The following DOCK7 variants were observed in gnomAD, a reference collection of about 807,000 sequenced individuals.
DOCK7 encodes the protein dedicator of cytokinesis protein 7.
Under a neutral mutation model 271.0 loss-of-function variants are expected in DOCK7, and 138 were observed. The observed-to-expected ratio is 0.51, with a 90% CI of 0.44 to 0.59. The LOEUF is 0.59. Among genes scored for constraint, DOCK7 ranks in the 20% least tolerant of loss-of-function variants. The probability of loss-of-function intolerance (pLI) is 0.00; values close to 1 mark genes in which losing one functional copy is unlikely to be tolerated. For synonymous variants in DOCK7, 823 were observed against 876.1 expected, an observed-to-expected ratio of 0.94 and a Z score of 1.07; for missense variants, 2,066 against 2,592.4, an observed-to-expected ratio of 0.80 and a Z score of 4.41.
intron 16 of DOCK7, among the ~76,000 whole-genome samples, chr1:62,581,818 A>G (rs115925205): frequency 3.7e-4 from 56 of 152,302 alleles, no homozygotes; most frequent in Non-Finnish European, 6.3e-4. Context: ...AAGACAAGAA[A>G]GAAGAAAGTT....
At chr1:62,489,100 T>C in intron 41 of DOCK7, 35 bp from the exon 42 acceptor site, 1 of 1,520,980 alleles carries the variant, frequency 6.6e-7, no homozygotes. Flanking sequence ...TGTTGCTTTC[T>C]TTTACATCAA....
At chr1:62,669,898 C>G (rs538340401) in intron 1 of DOCK7, among the ~76,000 whole-genome samples, 71 of 152,368 alleles carry the variant, frequency 4.7e-4, no homozygotes, top group South Asian at 4.6e-3. Context: ...GGGAGAGACA[C>G]GAGCGGGAAC....
chr1:62,477,375 T>G (rs950408762), intron 44 of DOCK7, among the ~76,000 whole-genome samples: 1 of 152,234 alleles, frequency 6.6e-6, no homozygotes, highest in Non-Finnish European at 1.5e-5. Flanking sequence ...AATTATTAGC[T>G]ACTACTTAAT....
intron 37 of DOCK7, among the ~76,000 whole-genome samples, chr1:62,504,237 TAAC>T (rs1646876478): frequency 6.6e-6 from 1 of 152,022 alleles, no homozygotes; most frequent in Non-Finnish European, 1.5e-5. Context: ...AGGAAAAATA[TAAC>T]ACATGAATAT....
intron 7 of DOCK7, among the ~76,000 whole-genome samples, chr1:62,637,170 T>C (rs543351838): frequency 2.0e-5 from 3 of 152,314 alleles, no homozygotes; most frequent in Admixed American, 6.5e-5. Flanking sequence ...TTTTTTAACT[T>C]AACATTTTGT....
At chr1:62,572,369 G>C (rs371374703) in intron 18 of DOCK7, among the ~76,000 whole-genome samples, 114 of 152,292 alleles carry the variant, frequency 7.5e-4, no homozygotes, top group African/African-American at 2.6e-3. Context: ...TGCTCTCCAT[G>C]TTATTATATC....
At chr1:62,527,846 G>A (rs1436664723) in intron 31 of DOCK7, among the ~76,000 whole-genome samples, 4 of 142,780 alleles carry the variant, frequency 2.8e-5, no homozygotes, top group African/African-American at 1.1e-4. Context: ...CCTGCATGTT[G>A]TGCACATGTA....
intron 37 of DOCK7, among the ~76,000 whole-genome samples, chr1:62,503,161 A>G (rs1646836119): frequency 6.6e-6 from 1 of 152,184 alleles, no homozygotes; most frequent in Non-Finnish European, 1.5e-5. Flanking sequence ...AGAAACAGAC[A>G]AACACAGTAA....
At chr1:62,505,040 A>T (rs1646900352) in intron 36 of DOCK7, among the ~76,000 whole-genome samples, 1 of 152,208 alleles carries the variant, frequency 6.6e-6, no homozygotes, top group Admixed American at 6.5e-5. Flanking sequence ...TATATCTACA[A>T]GGGATTGTTG....
chr1:62,521,419 C>A (rs953779481), intron 31 of DOCK7, among the ~76,000 whole-genome samples: 5 of 151,982 alleles, frequency 3.3e-5, no homozygotes, highest in Non-Finnish European at 7.4e-5. Context: ...CCAAAGAAAG[C>A]AGAAGATAGT....
intron 7 of DOCK7, among the ~76,000 whole-genome samples, chr1:62,646,634 T>C (rs1471287548): frequency 6.6e-6 from 1 of 152,202 alleles, no homozygotes; most frequent in East Asian, 1.9e-4. Context: ...CAGAGAGAGA[T>C]GCCTCATGAG....
chr1:62,521,077 G>C (rs943804262), intron 31 of DOCK7, among the ~76,000 whole-genome samples: 2 of 143,010 alleles, frequency 1.4e-5, no homozygotes, highest in South Asian at 2.3e-4. Context: ...ACAGGAAGGG[G>C]AACATCACAC....
chr1:62,647,701 A>T lies in DOCK7; in HGVS notation c.808T>A (p.Leu270Ile), dbSNP rs745509043. The stretch of plus-strand genomic sequence containing the variant: ...GAAATAAATACTCACTTGAGTGATA[A>T]GCATTTTACAAGAAGTCTTTGACCA... Reference protein sequence around the residue: ...HFGQRLLVKCLSLKFEIEIEP... With the variant: ...HFGQRLLVKCISLKFEIEIEP... The change falls in exon 7 of 50, where the codon TTA becomes ATA. Residue 270 changes from leucine (L) to isoleucine (I), a missense_variant. Leu to Ile is a conservative substitution (Grantham distance 5, BLOSUM62 2). Coordinates refer to ENST00000635253, the MANE Select transcript of DOCK7 (RefSeq NM_001367561.1). The T allele has an allele frequency of 6.2e-7, 1 of 1,603,290 alleles. No homozygotes were observed. Among genetic ancestry groups the T allele is most frequent in the Non-Finnish European group, 8.5e-7 (1 of 1,175,030 alleles).
intron 40 of DOCK7, among the ~76,000 whole-genome samples, chr1:62,493,958 C>G (rs1646541310): frequency 6.6e-6 from 1 of 152,102 alleles, no homozygotes; most frequent in East Asian, 1.9e-4. Context: ...AGAATTTCTA[C>G]TGAATTCTGA....
At position 62,455,447 on chromosome 1, in the gene DOCK7, G is replaced by A. The variant is rs780900498; in HGVS notation, c.6390C>T (p.Phe2130=). 1.9e-6 allele frequency: 3 copies of A among 1,613,468 alleles called. No individual in the cohort carries two copies. The highest frequency in any genetic ancestry group is 2.7e-5 in the African/African-American group (2 of 74,914). Residue 2130 remains phenylalanine, a synonymous_variant, in exon 50 of 50, where the codon TTC becomes TTT. Coordinates refer to ENST00000635253, the MANE Select transcript of DOCK7 (RefSeq NM_001367561.1). ...CCATTTTGCGAAGGCTCATTCGACT[G>A]AAGGAATCTCTGGGAAAAAAATGAG... ...VLPVTCHRDS[F]SRMSLRKMDL
intron 7 of DOCK7, among the ~76,000 whole-genome samples, chr1:62,638,662 T>G (rs1302970372): frequency 2.0e-5 from 3 of 149,026 alleles, no homozygotes; most frequent in Non-Finnish European, 4.5e-5. Context: ...AATATATATT[T>G]TCATGAATAT....
At chr1:62,638,391 T>C (rs1267171098) in intron 7 of DOCK7, 1 of 151,854 alleles carries the variant, frequency 6.6e-6, no homozygotes, top group Non-Finnish European at 1.5e-5. Context: ...TATAAGATCA[T>C]AAAGATATCC....
rs1162363127 is a variant in DOCK7 at position 62,653,994 on chromosome 1, G to C, written c.310C>G (p.Pro104Ala). 1.2e-6 allele frequency: 2 copies of C among 1,613,018 alleles called. No homozygotes were observed. Among genetic ancestry groups the C allele is most frequent in the Admixed American group, 3.3e-5 (2 of 59,842 alleles). ...RDCRTLVSAV[P>A]EESEMDPHVR... ...TCAATGTCTCCTTACCTTTCTTCAG[G>C]TACAGCTGAAACAAGAGTTCTGCAG... The change falls in exon 3 of 50, where the codon CCT becomes GCT. Residue 104 changes from proline (P) to alanine (A), a missense_variant. Transcript: ENST00000635253.
At position 62,512,731 on chromosome 1, in the gene DOCK7, TA is replaced by T. The variant is rs968616196; in HGVS notation, c.4282+712del. ...CTGGGCAATACAGTGAGACCATGTT[TA>T]AAAAAAAAAAAAAATTACTTGGGCA... is the stretch of plus-strand genomic sequence containing the variant. On this transcript the variant is annotated intron_variant, in intron 33 of 49. Coordinates refer to ENST00000635253, the MANE Select transcript of DOCK7 (RefSeq NM_001367561.1). 9.3e-3 allele frequency among the ~76,000 whole-genome samples: 1,303 copies of T among 140,136 alleles called. 7 individuals carry two copies. The highest frequency in any genetic ancestry group is 0.022 in the African/African-American group (860 of 38,312). 91.9% of individuals were successfully genotyped at this position (140,136 alleles called of 152,430 possible). A position where few individuals can be genotyped will look rare whatever the true frequency, so the allele number is the denominator to read the frequency against.
Sources: gnomAD v4.1 joint callset for allele counts (sites outside exome capture counted in the v4.1 genomes callset) on GRCh38, gnomAD v4.1.1 for gene constraint, MANE v1.5 for transcripts, NCBI Gene and HGNC (gene_info 2026-07-23, HGNC 2026-07-21) for gene names.